BPHL: variants seen among roughly 807,000 people sequenced by gnomAD.
BPHL encodes biphenyl hydrolase like, also known as serine hydrolase BPHL.
In BPHL, 27 loss-of-function variants were observed where a neutral mutation model predicts 31.2. The observed-to-expected ratio is 0.87, with a 90% CI of 0.64 to 1.19. The LOEUF (loss-of-function observed/expected upper bound fraction) is 1.19, where lower values mean the gene tolerates loss of function less well. Among genes scored for constraint, BPHL ranks in the 50% most tolerant of loss-of-function variants. The pLI is 0.00. For synonymous variants in BPHL, 150 were observed against 146.8 expected, an observed-to-expected ratio of 1.02 and a Z score of -0.16; for missense variants, 356 against 375.7, an observed-to-expected ratio of 0.95 and a Z score of 0.43.
intron 4 of BPHL, among the ~76,000 whole-genome samples, chr6:3,131,486 C>G (rs1301650824): frequency 6.6e-6 from 1 of 152,194 alleles, no homozygotes; most frequent in African/African-American, 2.4e-5. Flanking sequence ...CCTCACCTCT[C>G]TTCTTTCCCC....
intron 6 of BPHL, among the ~76,000 whole-genome samples, chr6:3,145,522 A>AGTGCTGGTTCGGGGTGGAGTGCTGGTTCG (rs1561800084): frequency 9.8e-5 from 1 of 10,174 alleles, no homozygotes; most frequent in Non-Finnish European, 2.2e-4. Flanking sequence ...GTGCTGGTTC[A>AGTGCTGGTTCGGGGTGGAGTGCTGGTTCG]GGGTGGAGTG....
At chr6:3,134,689 G>A (rs1309134462) in intron 4 of BPHL, among the ~76,000 whole-genome samples, 2 of 145,210 alleles carry the variant, frequency 1.4e-5, no homozygotes, top group Non-Finnish European at 3.0e-5. Flanking sequence ...TGCAAACTCC[G>A]CCTCCTGTGT....
chr6:3,138,139 C>T, intron 5 of BPHL: 1 of 558,576 alleles, frequency 1.8e-6, no homozygotes, highest in South Asian at 1.6e-5. Context: ...CTGCCTCAGC[C>T]TCCCAAGTAG....
intron 1 of BPHL, among the ~76,000 whole-genome samples, chr6:3,122,987 G>A (rs1236027549): frequency 6.6e-6 from 1 of 152,216 alleles, no homozygotes; most frequent in Non-Finnish European, 1.5e-5. Context: ...TGCCCCTGAT[G>A]TCCACCCTCG....
chr6:3,143,106 C>G (rs1762224706), intron 6 of BPHL, among the ~76,000 whole-genome samples: 1 of 152,126 alleles, frequency 6.6e-6, no homozygotes, highest in Non-Finnish European at 1.5e-5. Context: ...GTAATCCCAG[C>G]TACTCAAGAT....
intron 4 of BPHL, among the ~76,000 whole-genome samples, chr6:3,129,487 G>T (rs1389698739): frequency 6.6e-6 from 1 of 152,158 alleles, no homozygotes; most frequent in Admixed American, 6.5e-5. Flanking sequence ...GGAGGGGGTG[G>T]TGTGAAGTGT....
intron 4 of BPHL, among the ~76,000 whole-genome samples, chr6:3,131,501 TCTC>T (rs1761867010): frequency 6.6e-6 from 1 of 152,106 alleles, no homozygotes; most frequent in Non-Finnish European, 1.5e-5. Flanking sequence ...TTCCCCACAT[TCTC>T]CTGGTTTAGG....
In BPHL at chr6:3,149,681, G is replaced by A. The variant is rs1184712019; in HGVS notation, c.789-2807G>A. Reference sequence around the variant, plus strand: ...AGAGCCTTGCTCTATTGCCCGGGCTGGAGTGCAGTGGCGGGATCTCGGCTC... The same window carrying A: ...AGAGCCTTGCTCTATTGCCCGGGCTAGAGTGCAGTGGCGGGATCTCGGCTC... On this transcript the variant is annotated intron_variant, in intron 6 of 6. Coordinates refer to ENST00000380379, the MANE Select transcript of BPHL (RefSeq NM_004332.4). This position sits in a 1 kb window ranked among gnomAD's most constrained non-coding sequence, Gnocchi z 4.6. 6.6e-6 allele frequency among the ~76,000 whole-genome samples: 1 copy of A among 152,200 alleles called. No homozygotes were observed. The highest frequency in any genetic ancestry group is 1.9e-4 in the East Asian group (1 of 5,194).
At chr6:3,126,624 T>C in intron 2 of BPHL, among the ~76,000 whole-genome samples, 1 of 151,602 alleles carries the variant, frequency 6.6e-6, no homozygotes, top group East Asian at 1.9e-4. Context: ...GAGTCGCACT[T>C]TGTCACCAGG....
Position 3,137,220 on chromosome 6 carries a change from C to G in BPHL, c.533-142C>G, listed in dbSNP as rs993756682. 4.5e-6 allele frequency: 5 copies of G among 1,117,394 alleles called. No homozygotes were observed. The African/African-American group carries it at 7.9e-5, about 18-fold the overall frequency. The allele number at this position is 1,117,394 out of a possible 1,614,324, so 69.2% of individuals were successfully genotyped here. A position where few individuals can be genotyped will look rare whatever the true frequency, so the allele number is the denominator to read the frequency against. On this transcript the variant is annotated intron_variant, in intron 4 of 6. Transcript: ENST00000380379. Reference sequence around the variant, plus strand: ...CGCAAAGCAGCAACCAGGGCTAAGCCGAGCAGAGGGAGGGAGGGAGGCATT... The same window carrying G: ...CGCAAAGCAGCAACCAGGGCTAAGCGGAGCAGAGGGAGGGAGGGAGGCATT...
At position 3,123,748 on chromosome 6, in the gene BPHL, C is replaced by T. The variant is rs748739308; in HGVS notation, c.199C>T (p.Pro67Ser). 4.3e-6 allele frequency: 7 copies of T among 1,612,016 alleles called. No homozygotes were observed. In the African/African-American group the frequency reaches 9.4e-5, roughly 22 times the overall value. ...GEGDHAVLLL[P>S]GMLGSGETDF... ...GGGAGATCACGCAGTCCTGCTACTT[C>T]CTGGGATGTTAGGTCTGGGTACTTT... The change falls in exon 2 of 7, where the codon CCT becomes TCT. Residue 67 changes from proline to serine, a missense_variant. Pro to Ser is a moderately conservative substitution (Grantham distance 74). Transcript: ENST00000380379.
chr6:3,118,591 C>A, upstream of BPHL: 1 of 520,262 alleles, frequency 1.9e-6, no homozygotes, highest in Non-Finnish European at 3.0e-6. Context: ...CCCGGCAGGG[C>A]GTGGCTTCGG....
At chr6:3,147,039 G>A (rs1356688862) in intron 6 of BPHL, among the ~76,000 whole-genome samples, 6 of 152,126 alleles carry the variant, frequency 3.9e-5, no homozygotes, top group African/African-American at 7.2e-5. Context: ...TGTACATTTG[G>A]ACTTAAATTT....
In BPHL at chr6:3,129,165, T is replaced by C. The variant is rs201112679; in HGVS notation, c.499T>C (p.Tyr167His). 1.0e-5 allele frequency: 16 copies of C among 1,607,154 alleles called. No individual in the cohort carries two copies. In the African/African-American group the frequency reaches 2.0e-4, roughly 20 times the overall value. Residue 167 changes from tyrosine (Y) to histidine (H), a missense_variant, in exon 4 of 7, where the codon TAC becomes CAC. Transcript: ENST00000380379. Reference sequence around the variant, plus strand: ...GATGGTGATCTGGGGCGCCAACGCCTACGTCACTGACGAAGACAGCATGAT... The same window carrying C: ...GATGGTGATCTGGGGCGCCAACGCCCACGTCACTGACGAAGACAGCATGAT... The part of the protein sequence containing the change: ...HKMVIWGANA[Y>H]VTDEDSMIYE...
chr6:3,148,982 A>G (rs1424886802), intron 6 of BPHL, among the ~76,000 whole-genome samples: 1 of 152,214 alleles, frequency 6.6e-6, no homozygotes, highest in Admixed American at 6.5e-5. Context: ...GTAAAGTGCA[A>G]TACAAATATA....
At chr6:3,128,509 G>A (rs536486527) in intron 3 of BPHL, among the ~76,000 whole-genome samples, 13 of 152,132 alleles carry the variant, frequency 8.5e-5, no homozygotes, top group African/African-American at 2.9e-4. Flanking sequence ...CCTGCCAAAC[G>A]CATGTCCAGA....
At chr6:3,123,829 G>A (rs1761643977) in intron 2 of BPHL, 69 bp downstream of exon 2, 1 of 1,190,056 alleles carries the variant, frequency 8.4e-7, no homozygotes, top group East Asian at 2.5e-5. Flanking sequence ...AATACTAGAT[G>A]CCAAATACTG....
intron 4 of BPHL, among the ~76,000 whole-genome samples, chr6:3,130,099 G>A (rs1277801980): frequency 3.3e-5 from 5 of 152,252 alleles, no homozygotes; most frequent in Admixed American, 2.0e-4. Context: ...GAGCCCCCAC[G>A]CCCAGCCTGA....
At position 3,123,550 on chromosome 6, in the gene BPHL, G is replaced by A. The variant is rs149140835; in HGVS notation, c.108-107G>A. On this transcript the variant is annotated intron_variant, in intron 1 of 6. Coordinates refer to ENST00000380379, the MANE Select transcript of BPHL (RefSeq NM_004332.4). ...GTTAGCCGTAGTCATCCTACAGCGC[G>A]TAGAACACTAACACTTATTCCTCCT... The A allele has an allele frequency of 4.3e-3, 3,736 of 865,308 alleles. 25 individuals are homozygous for A. The highest frequency in any genetic ancestry group is 6.5e-3 in the Non-Finnish European group (3,492 of 535,942). The allele number at this position is 865,308 out of a possible 1,614,324, so 53.6% of individuals were successfully genotyped here. A position where few individuals can be genotyped will look rare whatever the true frequency, so the allele number is the denominator to read the frequency against.
Sources: gnomAD v4.1 joint callset for allele counts (sites outside exome capture counted in the v4.1 genomes callset) on GRCh38, gnomAD v4.1.1 for gene constraint, Gnocchi (gnomAD v3.1) non-coding constraint, MANE v1.5 for transcripts, NCBI Gene and HGNC (gene_info 2026-07-23, HGNC 2026-07-21) for gene names.